The following CACNB2 variants were observed in gnomAD, a reference collection of about 807,000 sequenced individuals.
The protein encoded by CACNB2 is voltage-dependent L-type calcium channel subunit beta-2.
A neutral mutation model predicts 73.3 loss-of-function variants in CACNB2; 42 were observed. The ratio of observed to expected loss-of-function variants is 0.57; its 90% confidence interval spans 0.45 to 0.74. The LOEUF (loss-of-function observed/expected upper bound fraction) is 0.74. CACNB2 is among the 30% of genes least tolerant of loss of function. CACNB2 has a pLI of 0.00. For synonymous variants in CACNB2, 348 were observed against 310.3 expected, an observed-to-expected ratio of 1.12 and a Z score of -1.28; for missense variants, 940 against 853.0, an observed-to-expected ratio of 1.10 and a Z score of -1.27.
intron 9 of CACNB2, among the ~76,000 whole-genome samples, chr10:18,525,767 CTACTTTTCT>C (rs565764904): frequency 6.6e-6 from 1 of 152,174 alleles, no homozygotes; most frequent in East Asian, 1.9e-4. Context: ...TGGGTTATGT[CTACTTTTCT>C]TACTTTTCTT....
rs547047100 is a variant in CACNB2 at position 18,432,586 on chromosome 10, A to T, written c.333+30543A>T. On this transcript the variant is annotated intron_variant, in intron 3 of 13. Coordinates refer to ENST00000324631, the MANE Select transcript of CACNB2 (RefSeq NM_201596.3). ...AGTGACTTACACCTGTATTCCCAGC[A>T]CTTTGGGAGGCCAGAGGCAAGCAGA... 7.9e-5 allele frequency among the ~76,000 whole-genome samples: 12 copies of T among 152,302 alleles called. 1 individual carries two copies. In the South Asian group the frequency reaches 2.5e-3, roughly 32 times the overall value.
At chr10:18,377,409 C>T (rs981690469) in intron 2 of CACNB2, among the ~76,000 whole-genome samples, 3 of 152,122 alleles carry the variant, frequency 2.0e-5, no homozygotes, top group African/African-American at 7.2e-5. Context: ...CTGTCAAGGG[C>T]CATGTAGTAA....
intron 3 of CACNB2, among the ~76,000 whole-genome samples, chr10:18,482,009 C>T (rs969366255): frequency 2.6e-5 from 4 of 152,130 alleles, no homozygotes; most frequent in Admixed American, 6.5e-5. Context: ...CTTGCCTCAG[C>T]CTCCTGAGTA....
At chr10:18,229,754 T>C (rs1373468825) in intron 2 of CACNB2, among the ~76,000 whole-genome samples, 1 of 152,178 alleles carries the variant, frequency 6.6e-6, no homozygotes, top group Non-Finnish European at 1.5e-5. Flanking sequence ...TATAGTTATG[T>C]TTGTCAATGA....
At position 18,179,603 on chromosome 10, in the gene CACNB2, ATTTTTT is replaced by A. The variant is rs11291909; in HGVS notation, c.213+28637_213+28642del. ...GGTAAAGATAAGCTCAAATCAGCAGATTTTTTTTTTTTTTAATTCAGGGATTTCTTC... is the reference window on the plus strand; with the variant it reads ...GGTAAAGATAAGCTCAAATCAGCAGATTTTTTTTAATTCAGGGATTTCTTC... On this transcript the variant is annotated intron_variant, in intron 2 of 13. Transcript: ENST00000324631. Among the ~76,000 whole-genome samples the A allele has an allele frequency of 6.1e-3, 891 of 146,960 alleles. 9 individuals are homozygous for A. The highest frequency in any genetic ancestry group is 0.021 in the African/African-American group (849 of 40,300).
rs1375934763 is a variant in CACNB2, at chr10:18,540,480, G to T, written c.*756G>T. ...CTAGACACCTATCCTCATTCTAGTA[G>T]AAAGTGTGTACATACTGTAAATATG... On this transcript the variant is annotated 3_prime_UTR_variant, in exon 14 of 14. Coordinates refer to ENST00000324631, the MANE Select transcript of CACNB2 (RefSeq NM_201596.3). 1 of 152,520 alleles carries T rather than the reference G, an allele frequency of 6.6e-6. No homozygotes were observed. Among genetic ancestry groups the T allele is most frequent in the Non-Finnish European group, 1.5e-5 (1 of 68,026 alleles). The allele number at this position is 152,520 out of a possible 1,614,324, so 9.4% of individuals were successfully genotyped here. A position where few individuals can be genotyped will look rare whatever the true frequency, so the allele number is the denominator to read the frequency against.
chr10:18,264,555 C>A (rs1283425152), intron 2 of CACNB2, among the ~76,000 whole-genome samples: 1 of 152,172 alleles, frequency 6.6e-6, no homozygotes, highest in Non-Finnish European at 1.5e-5. Context: ...ACTAAACAGA[C>A]TTCTAACATG....
intron 2 of CACNB2, among the ~76,000 whole-genome samples, chr10:18,221,916 G>C (rs748444910): frequency 3.9e-5 from 6 of 152,140 alleles, no homozygotes; most frequent in Non-Finnish European, 5.9e-5. Flanking sequence ...TGGCCCAATT[G>C]GTATTGAGGT....
At chr10:18,225,352 T>C (rs2131414893) in intron 2 of CACNB2, among the ~76,000 whole-genome samples, 1 of 152,198 alleles carries the variant, frequency 6.6e-6, no homozygotes, top group East Asian at 1.9e-4. Flanking sequence ...TTTTCGTAGG[T>C]CACCTCAAAA....
chr10:18,369,745 A>G (rs1177846888), intron 2 of CACNB2, among the ~76,000 whole-genome samples: 2 of 152,048 alleles, frequency 1.3e-5, no homozygotes, highest in African/African-American at 2.4e-5. Context: ...TGTCTCTACT[A>G]AAAATACAAA....
chr10:18,253,629 T>C (rs2037172275), intron 2 of CACNB2, among the ~76,000 whole-genome samples: 1 of 152,204 alleles, frequency 6.6e-6, no homozygotes, highest in Non-Finnish European at 1.5e-5. Flanking sequence ...ATGAATGAAA[T>C]GAACTGGTCA....
At chr10:18,187,378 G>A (rs1203183183) in intron 2 of CACNB2, among the ~76,000 whole-genome samples, 1 of 152,182 alleles carries the variant, frequency 6.6e-6, no homozygotes, top group African/African-American at 2.4e-5. Context: ...AACATTTTCA[G>A]AATGTGCACT....
chr10:18,535,480 A>T (rs987004838), intron 11 of CACNB2, among the ~76,000 whole-genome samples: 70 of 151,298 alleles, frequency 4.6e-4, no homozygotes, highest in African/African-American at 1.6e-3. Context: ...TATTTTTATT[A>T]AAAAAAATTC....
chr10:18,261,564 C>A (rs1220568529), intron 2 of CACNB2, among the ~76,000 whole-genome samples: 3 of 152,050 alleles, frequency 2.0e-5, no homozygotes, highest in African/African-American at 7.3e-5. Flanking sequence ...AAATAACTTG[C>A]GCGGGGATTG....
intron 2 of CACNB2, among the ~76,000 whole-genome samples, chr10:18,242,488 A>C (rs904669982): frequency 6.6e-6 from 1 of 152,310 alleles, no homozygotes. Flanking sequence ...ACATACTGTT[A>C]TTTTAAAATA....
At chr10:18,395,861 G>T (rs1019989376) in intron 2 of CACNB2, among the ~76,000 whole-genome samples, 1 of 152,162 alleles carries the variant, frequency 6.6e-6, no homozygotes, top group Non-Finnish European at 1.5e-5. Flanking sequence ...TGCAAACTAA[G>T]GTATACAATG....
rs547724880 is a variant in CACNB2, at chr10:18,543,171, G to T, written c.*3447G>T. 6.6e-6 allele frequency: 1 copy of T among 152,244 alleles called. No homozygotes were observed. The highest frequency in any genetic ancestry group is 1.9e-4 in the East Asian group (1 of 5,186). The allele number at this position is 152,244 out of a possible 1,614,324, so 9.4% of individuals were successfully genotyped here. ...TATTAGTAGTAGTATTAATTGCCAT[G>T]TTAGAAATGATTCATGTAGTTGAGA... On this transcript the variant is annotated 3_prime_UTR_variant, in exon 14 of 14. Transcript: ENST00000324631.
chr10:18,485,315 A>G (rs1205636565), intron 3 of CACNB2, among the ~76,000 whole-genome samples: 4 of 152,144 alleles, frequency 2.6e-5, no homozygotes, highest in South Asian at 2.1e-4. Flanking sequence ...AGAAAGTAAG[A>G]TATCAGTAAG....
At position 18,523,634 on chromosome 10, in the gene CACNB2, A is replaced by T. The variant is rs1054999141; in HGVS notation, c.945-3954A>T. 2.0e-5 allele frequency among the ~76,000 whole-genome samples: 3 copies of T among 152,194 alleles called. 1 individual carries two copies. The South Asian group carries it at 6.2e-4, about 31-fold the overall frequency. On this transcript the variant is annotated intron_variant, in intron 9 of 13. Transcript: ENST00000324631. ...AAACGAGTCCATAAGGCAGAATTTA[A>T]AAGCTGTGTACAAATTTAACATTTT...
Sources: allele counts gnomAD v4.1 joint callset (sites outside exome capture counted in the v4.1 genomes callset), GRCh38; gene constraint gnomAD v4.1.1; transcripts MANE v1.5; gene names NCBI Gene and HGNC (gene_info 2026-07-23, HGNC 2026-07-21).